PRRT4: variants seen among roughly 807,000 people sequenced by gnomAD.
PRRT4 encodes the protein proline rich transmembrane protein 4, also known as proline-rich transmembrane protein 4.
A neutral mutation model predicts 55.6 loss-of-function variants in PRRT4; 59 were observed. That is an observed-to-expected ratio of 1.06 (90% CI 0.86 to 1.32). The LOEUF (loss-of-function observed/expected upper bound fraction) is 1.32. Among genes scored for constraint, PRRT4 ranks in the 40% most tolerant of loss-of-function variants. PRRT4 has a pLI of 0.00. For synonymous variants in PRRT4, 606 were observed against 601.8 expected, an observed-to-expected ratio of 1.01 and a Z score of -0.10; for missense variants, 1,217 against 1,222.0, an observed-to-expected ratio of 1.00 and a Z score of 0.06.
chr7:128,360,453 CTG>C (rs1797220915), intron 1 of PRRT4, among the ~76,000 whole-genome samples: 1 of 152,178 alleles, frequency 6.6e-6, no homozygotes, highest in Admixed American at 6.5e-5. Context: ...GGGCATATAA[CTG>C]TGAACAAGCA....
Position 128,352,293 on chromosome 7 carries a change from G to A in PRRT4, c.1263C>T (p.Ala421=), listed in dbSNP as rs541314181. 3.3e-4 allele frequency: 517 copies of A among 1,543,646 alleles called. 3 individuals carry two copies. In the African/African-American group the frequency reaches 6.3e-3, roughly 19 times the overall value. The change falls in exon 5 of 5, where the codon GCC becomes GCT. Residue 421 remains alanine (A), a synonymous_variant. Transcript: ENST00000535159. ...CGGGCAGTCGATCCCTGTGCCCATAGGCGTCGTAGAAGAGCGGGAAGGCCC... is the reference window on the plus strand; with the variant it reads ...CGGGCAGTCGATCCCTGTGCCCATAAGCGTCGTAGAAGAGCGGGAAGGCCC...
intron 1 of PRRT4, among the ~76,000 whole-genome samples, chr7:128,360,890 A>C (rs1415174370): frequency 6.6e-6 from 1 of 151,836 alleles, no homozygotes; most frequent in Non-Finnish European, 1.5e-5. Context: ...CCAGGGACAC[A>C]CATGCACCCG....
chr7:128,353,490 G>T (rs1797045515), intron 4 of PRRT4, among the ~76,000 whole-genome samples: 1 of 151,978 alleles, frequency 6.6e-6, no homozygotes, highest in Admixed American at 6.6e-5. Context: ...TCAGGGGAGA[G>T]GTAAGACAAT....
intron 4 of PRRT4, among the ~76,000 whole-genome samples, chr7:128,356,790 C>T (rs902753296): frequency 3.9e-5 from 6 of 152,238 alleles, no homozygotes; most frequent in South Asian, 2.1e-4. Flanking sequence ...CATGTCTCCA[C>T]TCTGGATGCT....
At chr7:128,351,098 A>T (rs770232038) in exon 5 of PRRT4, 1 of 1,548,782 alleles carries the variant, frequency 6.5e-7, no homozygotes, top group South Asian at 1.2e-5. Context: ...TCGGGGCTGG[A>T]ACACAGCAGC....
chr7:128,350,430 A>G (rs1290248537), downstream of PRRT4: 2 of 215,612 alleles, frequency 9.3e-6, no homozygotes, highest in East Asian at 2.6e-4. Flanking sequence ...CACATGGAGG[A>G]AAGGGAGTCC....
At chr7:128,352,812 C>A in intron 4 of PRRT4, 134 bp from the exon 6 acceptor site, 1 of 872,448 alleles carries the variant, frequency 1.1e-6, no homozygotes, top group Non-Finnish European at 1.7e-6. Flanking sequence ...TGAGACTCAC[C>A]CCACCTCTTG....
intron 4 of PRRT4, among the ~76,000 whole-genome samples, chr7:128,354,811 G>T (rs949554175): frequency 6.6e-6 from 1 of 152,096 alleles, no homozygotes; most frequent in African/African-American, 2.4e-5. Flanking sequence ...GGCAGCATGC[G>T]CCCTGGTTCC....
chr7:128,352,772 A>T (rs369378574), intron 4 of PRRT4, 94 bp from the exon 6 acceptor site: 1 of 1,233,348 alleles, frequency 8.1e-7, no homozygotes, highest in African/African-American at 1.5e-5. Context: ...AGAGTCCCCT[A>T]CCGTATCCAG....
At chr7:128,352,586 A>C (rs1797018527) in exon 5 of PRRT4, 2 of 1,544,208 alleles carry the variant, frequency 1.3e-6, no homozygotes, top group Non-Finnish European at 1.7e-6. Flanking sequence ...CCCACGCTGC[A>C]GGACCCTGGC....
intron 1 of PRRT4, among the ~76,000 whole-genome samples, chr7:128,361,076 GTCTCTCTCTCTCTC>G (rs71160633): frequency 1.0e-5 from 1 of 100,444 alleles, no homozygotes; most frequent in African/African-American, 4.1e-5. Context: ...GGCCTCCCCT[GTCTCTCTCTCTCTC>G]TCTCTCTCTC....
chr7:128,352,623 C>G (rs771799312), exon 5 of PRRT4: 3 of 1,541,202 alleles, frequency 1.9e-6, no homozygotes, highest in African/African-American at 1.4e-5. Flanking sequence ...CCGAAGGGTT[C>G]CCGAGGCTGG....
intron 4 of PRRT4, among the ~76,000 whole-genome samples, chr7:128,357,272 G>A (rs185487714): frequency 3.4e-4 from 47 of 137,976 alleles, no homozygotes; most frequent in African/African-American, 1.2e-3. Flanking sequence ...TCTCTCTGCT[G>A]GCAAGAGCAA....
chr7:128,352,866 G>A (rs1797030712), intron 4 of PRRT4, among the ~76,000 whole-genome samples, 188 bp from the exon 6 acceptor site: 1 of 151,498 alleles, frequency 6.6e-6, no homozygotes, highest in South Asian at 2.1e-4. Context: ...CAATGTCTTC[G>A]CTGGAGTTTG....
At chr7:128,356,520 C>A (rs1213137786) in intron 4 of PRRT4, among the ~76,000 whole-genome samples, 2 of 152,198 alleles carry the variant, frequency 1.3e-5, no homozygotes, top group Non-Finnish European at 2.9e-5. Context: ...TTCAGTTTTC[C>A]CCAGAAGAGT....
At chr7:128,353,800 C>T (rs188337130) in intron 4 of PRRT4, among the ~76,000 whole-genome samples, 8 of 152,300 alleles carry the variant, frequency 5.3e-5, no homozygotes, top group Non-Finnish European at 1.0e-4. Context: ...CCCTCAGTTG[C>T]TCTGGGGTTT....
intron 4 of PRRT4, among the ~76,000 whole-genome samples, chr7:128,353,896 G>A (rs1797055104): frequency 6.6e-6 from 1 of 152,166 alleles, no homozygotes; most frequent in Admixed American, 6.5e-5. Flanking sequence ...GAGAGGGTGA[G>A]GAGTAAGATC....
Position 128,352,528 on chromosome 7 carries a change from A to G in PRRT4, c.1028T>C (p.Leu343Pro), listed in dbSNP as rs1374180678. The change falls in exon 5 of 5, where the codon CTC becomes CCC. Residue 343 changes from leucine to proline, a missense_variant. By Grantham distance (98) the Leu-to-Pro change is moderately conservative. This residue lies in a region of PRRT4 where 564 missense variants were observed against 592.9 expected (regional missense o/e 0.95). Coordinates refer to ENST00000535159, the Ensembl canonical transcript of PRRT4. ...GTCGGCCTCCAGGGTCAGGAAAAAG[A>G]GGGGCCTCGGCGCCTCGGGAGGCTG... 1.9e-6 allele frequency: 3 copies of G among 1,543,712 alleles called. No individual in the cohort carries two copies. The African/African-American group carries it at 4.1e-5, about 21-fold the overall frequency.
rs915968994 is a variant in PRRT4, at chr7:128,358,735, G to A, written c.823C>T (p.Pro275Ser). 4.5e-6 allele frequency: 7 copies of A among 1,551,618 alleles called. No homozygotes were observed. In the African/African-American group the frequency reaches 6.8e-5, roughly 15 times the overall value. The stretch of plus-strand genomic sequence containing the variant: ...CTTAGGGAAGCAGCTGGGTCCAGAG[G>A]ACTTGGGCTGGAGAGCTTCCTCTCC... Residue 275 changes from proline (P) to serine (S), a missense_variant, in exon 4 of 5, where the codon CCT (proline) becomes TCT (serine). By Grantham distance (74) the Pro-to-Ser change is moderately conservative. Coordinates refer to ENST00000535159, the Ensembl canonical transcript of PRRT4. The surrounding 1 kb of genome is among the most constrained non-coding windows in gnomAD (Gnocchi z 4.4).
Sources: gnomAD v4.1 joint callset for allele counts (sites outside exome capture counted in the v4.1 genomes callset) on GRCh38, gnomAD v4.1.1 for gene constraint, gnomAD v4.1.1 regional missense constraint, Gnocchi (gnomAD v3.1) non-coding constraint, MANE v1.5 for transcripts, NCBI Gene and HGNC (gene_info 2026-07-23, HGNC 2026-07-21) for gene names.